Variants in BANK1 observed in about 807,000 individuals in gnomAD.
BANK1 encodes the protein B cell scaffold protein with ankyrin repeats 1.
In BANK1, 95 loss-of-function variants were observed where a neutral mutation model predicts 94.5. The ratio of observed to expected loss-of-function variants is 1.00; its 90% CI spans 0.85 to 1.19. The LOEUF is 1.19. Among genes scored for constraint, BANK1 ranks in the 50% most tolerant of loss-of-function variants. The pLI is 0.00. For missense variants in BANK1, 987 were observed against 932.2 expected, an observed-to-expected ratio of 1.06 and a Z score of -0.77; for synonymous variants, 334 against 308.4, an observed-to-expected ratio of 1.08 and a Z score of -0.87.
At chr4:101,906,913 T>C (rs546963483) in intron 6 of BANK1, among the ~76,000 whole-genome samples, 1 of 152,178 alleles carries the variant, frequency 6.6e-6, no homozygotes, top group Non-Finnish European at 1.5e-5. Flanking sequence ...GAATTAAAGA[T>C]GCACCCACAG....
chr4:101,948,356 T>C (rs1293165085), intron 7 of BANK1, among the ~76,000 whole-genome samples: 2 of 152,128 alleles, frequency 1.3e-5, no homozygotes, highest in Non-Finnish European at 2.9e-5. Flanking sequence ...TTCCTGTGAA[T>C]TAGAACTTCC....
At chr4:101,885,572 A>G (rs1560616475) in intron 5 of BANK1, among the ~76,000 whole-genome samples, 1 of 152,162 alleles carries the variant, frequency 6.6e-6, no homozygotes, top group Non-Finnish European at 1.5e-5. Context: ...TTCCTCAGTG[A>G]ATCCTTCCCT....
chr4:102,045,860 G>C (rs375048871), intron 11 of BANK1, among the ~76,000 whole-genome samples: 2 of 151,544 alleles, frequency 1.3e-5, no homozygotes, highest in South Asian at 2.1e-4. Flanking sequence ...GAAAATGGCC[G>C]TACTGCCCAA....
intron 2 of BANK1, among the ~76,000 whole-genome samples, chr4:101,845,579 T>G (rs1727212212): frequency 6.6e-6 from 1 of 152,178 alleles, no homozygotes; most frequent in African/African-American, 2.4e-5. Context: ...GATTACACAT[T>G]TGACACAATA....
At chr4:101,882,928 A>T (rs981159590) in intron 5 of BANK1, among the ~76,000 whole-genome samples, 1 of 152,198 alleles carries the variant, frequency 6.6e-6, no homozygotes, top group African/African-American at 2.4e-5. Flanking sequence ...TGTATCTTCC[A>T]TCACTTTTAT....
chr4:101,953,816 G>A lies in BANK1; in HGVS notation c.1206+35627G>A, dbSNP rs115225391. 7.5e-3 allele frequency among the ~76,000 whole-genome samples: 1,137 copies of A among 152,206 alleles called. 16 individuals are homozygous for A. Among genetic ancestry groups the A allele is most frequent in the South Asian group, 0.05 (242 of 4,820 alleles). On this transcript the variant is annotated intron_variant, in intron 7 of 16. Transcript: ENST00000322953. ...GATATGTTTTGTGAATGATAAGATA[G>A]TACATATATTGCATATTGTGCGTAA...
chr4:102,072,302 T>C (rs1728785062), intron 14 of BANK1, 43 bp from the exon 15 acceptor site: 1 of 1,403,892 alleles, frequency 7.1e-7, no homozygotes. Context: ...ATCATCAAAT[T>C]TGTGAATGAA....
At chr4:101,888,004 T>A (rs1209335759) in intron 5 of BANK1, among the ~76,000 whole-genome samples, 1 of 152,246 alleles carries the variant, frequency 6.6e-6, no homozygotes, top group African/African-American at 2.4e-5. Flanking sequence ...AAGATTTTTT[T>A]AAAGATATGT....
chr4:102,015,030 C>A (rs923667362), intron 7 of BANK1, among the ~76,000 whole-genome samples: 1 of 152,044 alleles, frequency 6.6e-6, no homozygotes, highest in Non-Finnish European at 1.5e-5. Flanking sequence ...TTCTTTTTTG[C>A]TAAACCCCTT....
chr4:101,885,713 C>G (rs1164645217), intron 5 of BANK1, among the ~76,000 whole-genome samples: 1 of 152,226 alleles, frequency 6.6e-6, no homozygotes, highest in East Asian at 1.9e-4. Flanking sequence ...AAGCTACTAT[C>G]TACAGTTGTG....
intron 2 of BANK1, among the ~76,000 whole-genome samples, chr4:101,838,788 T>C (rs1578347717): frequency 6.6e-6 from 1 of 152,256 alleles, no homozygotes; most frequent in South Asian, 2.1e-4. Context: ...CTCCCTTAGC[T>C]GGTGACCAGC....
intron 5 of BANK1, among the ~76,000 whole-genome samples, chr4:101,874,228 C>A (rs954656541): frequency 6.6e-6 from 1 of 152,098 alleles, no homozygotes; most frequent in African/African-American, 2.4e-5. Context: ...ATATTTGATA[C>A]AATGTAAAGC....
intron 7 of BANK1, among the ~76,000 whole-genome samples, chr4:101,950,727 G>A (rs1724119508): frequency 6.6e-6 from 1 of 152,096 alleles, no homozygotes; most frequent in African/African-American, 2.4e-5. Context: ...CCTTCACAGT[G>A]GAAAACCTGA....
intron 6 of BANK1, among the ~76,000 whole-genome samples, chr4:101,905,794 C>T (rs569608291): frequency 3.9e-5 from 6 of 152,244 alleles, no homozygotes; most frequent in Admixed American, 1.3e-4. Context: ...TTAGCATTGT[C>T]AAAAGCTCAT....
Position 101,891,338 on chromosome 4 carries a change from C to T in BANK1, c.904-3967C>T, listed in dbSNP as rs1297260312. On this transcript the variant is annotated intron_variant, in intron 5 of 16. Transcript: ENST00000322953. ...TATTTTGCCACTTCTTTCTGTCCTT[C>T]ATAGCTGCTTCTAGCAATCTAATTG... Among the ~76,000 whole-genome samples, 3 of 152,092 alleles carry T rather than the reference C, an allele frequency of 2.0e-5. No homozygotes were observed. In the East Asian group the frequency reaches 5.8e-4, roughly 29 times the overall value.
At chr4:101,941,573 C>T (rs892343180) in intron 7 of BANK1, among the ~76,000 whole-genome samples, 2 of 151,870 alleles carry the variant, frequency 1.3e-5, no homozygotes, top group Non-Finnish European at 2.9e-5. Flanking sequence ...TAAAGAATCA[C>T]CAATTCTGAA....
rs564303508 is a variant in BANK1, at chr4:102,035,220, G to A, written c.1900+4955G>A. 2.6e-5 allele frequency among the ~76,000 whole-genome samples: 4 copies of A among 152,272 alleles called. No individual in the cohort carries two copies. The East Asian group carries it at 7.7e-4, about 29-fold the overall frequency. ...CAATTTGAAGGGAAGAGCCCACACA[G>A]AACTGGACAAAGCTCTAGGTTATTC... On this transcript the variant is annotated intron_variant, in intron 10 of 16. Transcript: ENST00000322953.
chr4:102,059,559 G>A (rs1426020868), intron 11 of BANK1, among the ~76,000 whole-genome samples: 1 of 152,136 alleles, frequency 6.6e-6, no homozygotes, highest in Non-Finnish European at 1.5e-5. Flanking sequence ...GAAACACTGA[G>A]TTCACCCATG....
At chr4:101,963,232 C>A (rs1053707843) in intron 7 of BANK1, among the ~76,000 whole-genome samples, 1 of 152,054 alleles carries the variant, frequency 6.6e-6, no homozygotes, top group Non-Finnish European at 1.5e-5. Context: ...TATTCTCACA[C>A]TTCTATTCTC....
Sources: allele counts gnomAD v4.1 joint callset (sites outside exome capture counted in the v4.1 genomes callset), GRCh38; gene constraint gnomAD v4.1.1; transcripts MANE v1.5; gene names NCBI Gene and HGNC (gene_info 2026-07-23, HGNC 2026-07-21).